The following MTBP variants were observed in gnomAD, a reference collection of about 807,000 sequenced individuals.
MTBP encodes the protein mdm2-binding protein.
In MTBP, 101 loss-of-function variants were observed where a neutral mutation model predicts 117.0. The observed-to-expected ratio is 0.86, with a 90% CI of 0.73 to 1.02. The LOEUF (loss-of-function observed/expected upper bound fraction) is 1.02, where lower values mean the gene tolerates loss of function less well. Among genes scored for constraint, MTBP ranks in the 50% least tolerant of loss-of-function variants. MTBP has a pLI of 0.00. For missense variants in MTBP, 970 were observed against 1,030.9 expected, an observed-to-expected ratio of 0.94 and a Z score of 0.81; for synonymous variants, 350 against 351.5, an observed-to-expected ratio of 1.00 and a Z score of 0.05.
At chr8:120,477,614 G>GA (rs1419472237) in intron 11 of MTBP, among the ~76,000 whole-genome samples, 2 of 151,942 alleles carry the variant, frequency 1.3e-5, no homozygotes, top group African/African-American at 4.8e-5. Flanking sequence ...ACACTTCTCA[G>GA]AAAAAGACAT....
chr8:120,446,349 T>G, intron 1 of MTBP, 84 bp from the exon 2 acceptor site: 181 of 816,922 alleles, frequency 2.2e-4, no homozygotes, highest in East Asian at 3.9e-4. Flanking sequence ...CTACTGGTCT[T>G]GAGAGTCTCT....
intron 11 of MTBP, chr8:120,471,974 T>C (rs1191149842): frequency 6.6e-6 from 1 of 152,242 alleles, no homozygotes; most frequent in Non-Finnish European, 1.5e-5. Context: ...TAAAATTGCT[T>C]TCCCAAAGTC....
At chr8:120,511,000 T>C (rs1814795391) in intron 17 of MTBP, among the ~76,000 whole-genome samples, 2 of 152,168 alleles carry the variant, frequency 1.3e-5, no homozygotes, top group Admixed American at 1.3e-4. Context: ...AAAGAAATCC[T>C]GTATGAAATG....
intron 12 of MTBP, 46 bp downstream of exon 12, chr8:120,488,378 T>G (rs756350057): frequency 7.1e-6 from 10 of 1,411,964 alleles, no homozygotes; most frequent in African/African-American, 6.0e-5. Flanking sequence ...ATTGTTTGTG[T>G]GTGTGGTTAG....
At chr8:120,502,159 T>C (rs1229304575) in intron 14 of MTBP, among the ~76,000 whole-genome samples, 1 of 152,244 alleles carries the variant, frequency 6.6e-6, no homozygotes, top group Non-Finnish European at 1.5e-5. Context: ...TACAGAGTTA[T>C]CTTCTTTTCA....
intron 13 of MTBP, among the ~76,000 whole-genome samples, chr8:120,494,786 GT>G (rs1292710618): frequency 1.3e-5 from 2 of 152,002 alleles, no homozygotes; most frequent in Non-Finnish European, 2.9e-5. Context: ...ATAATTCTTT[GT>G]TTCTCTTATG....
At chr8:120,456,921 CTTTAA>C (rs1001672348) in intron 7 of MTBP, among the ~76,000 whole-genome samples, 5 of 152,116 alleles carry the variant, frequency 3.3e-5, no homozygotes, top group East Asian at 1.9e-4. Context: ...TTTTAATTAA[CTTTAA>C]TTTAATCACA....
chr8:120,445,439 A>G lies in MTBP; in HGVS notation c.-32A>G. The G allele has an allele frequency of 6.3e-7, 1 of 1,582,088 alleles. No homozygotes were observed. The highest frequency in any genetic ancestry group is 8.7e-7 in the Non-Finnish European group (1 of 1,153,124). On this transcript the variant is annotated 5_prime_UTR_variant, in exon 1 of 22. Transcript: ENST00000305949. ...CGCGTCTGTTTGGATGTGGAAGCCG[A>G]GACCTAAAGTTGGGGGGTGATCTCT... is the stretch of plus-strand genomic sequence containing the variant.
intron 11 of MTBP, among the ~76,000 whole-genome samples, chr8:120,476,849 T>C (rs1332411146): frequency 6.6e-6 from 1 of 152,204 alleles, no homozygotes; most frequent in South Asian, 2.1e-4. Flanking sequence ...ATAGATGGAA[T>C]GCTATCCCCA....
chr8:120,509,655 T>G (rs746264442), intron 16 of MTBP, among the ~76,000 whole-genome samples: 1 of 152,186 alleles, frequency 6.6e-6, no homozygotes, highest in African/African-American at 2.4e-5. Flanking sequence ...ATTTCCATTA[T>G]AAATCATATT....
At position 120,488,222 on chromosome 8, in the gene MTBP, A is replaced by G. The variant is rs775462173; in HGVS notation, c.1229A>G (p.Asn410Ser). The G allele has an allele frequency of 3.8e-6, 6 of 1,597,720 alleles. No individual in the cohort carries two copies. The highest frequency in any genetic ancestry group is 1.1e-5 in the South Asian group (1 of 87,358). The change falls in exon 12 of 22, where the codon AAT (asparagine) becomes AGT (serine). Residue 410 changes from asparagine (N) to serine (S), a missense_variant. Transcript: ENST00000305949. ...SYYLLLQGNG[N>S]RRCKATLIHS... Reference sequence around the variant, plus strand: ...TATCTCTTGTTACAAGGTAATGGCAATAGAAGATGTAAAGCCACATTGATT... The same window carrying G: ...TATCTCTTGTTACAAGGTAATGGCAGTAGAAGATGTAAAGCCACATTGATT...
chr8:120,459,219 G>C lies in MTBP; in HGVS notation c.752G>C (p.Gly251Ala). The change falls in exon 8 of 22, where the codon GGA (glycine) becomes GCA (alanine). Residue 251 changes from glycine to alanine, a missense_variant. Coordinates refer to ENST00000305949, the MANE Select transcript of MTBP (RefSeq NM_022045.5). ...GTTTTCTTGGTCTCTTTTCAGTTTG[G>C]ATTTGAAATTAGTTTTCCTGAATTT... is the stretch of plus-strand genomic sequence containing the variant. ...GKIQIWERKF[G>A]FEISFPEFCL... is the part of the protein sequence containing the mutation. The C allele has an allele frequency of 6.2e-7, 1 of 1,607,036 alleles. No individual in the cohort carries two copies. The highest frequency in any genetic ancestry group is 8.5e-7 in the Non-Finnish European group (1 of 1,176,052).
intron 15 of MTBP, among the ~76,000 whole-genome samples, chr8:120,503,027 G>C (rs1814616440): frequency 6.6e-6 from 1 of 152,192 alleles, no homozygotes; most frequent in African/African-American, 2.4e-5. Context: ...TGAACTGTAT[G>C]AGGCAGGATT....
At chr8:120,472,497 A>G (rs1013060610) in intron 11 of MTBP, 14 of 152,208 alleles carry the variant, frequency 9.2e-5, no homozygotes, top group African/African-American at 2.9e-4. Flanking sequence ...GAGTAGTTCT[A>G]CTGATCTCAC....
chr8:120,452,802 C>G (rs1414329816), intron 4 of MTBP: 1 of 146,180 alleles, frequency 6.8e-6, no homozygotes, highest in Non-Finnish European at 1.5e-5. Flanking sequence ...TGTACTCCAG[C>G]CTGAGCGACA....
intron 4 of MTBP, chr8:120,452,829 C>CAAAAAA (rs33959012): frequency 2.3e-5 from 2 of 86,086 alleles, no homozygotes; most frequent in Non-Finnish European, 4.5e-5. Flanking sequence ...CACTCCGTCT[C>CAAAAAA]AAAAAAAAAA....
intron 11 of MTBP, among the ~76,000 whole-genome samples, chr8:120,474,369 G>C (rs1813888915): frequency 6.6e-6 from 1 of 151,946 alleles, no homozygotes; most frequent in Admixed American, 6.6e-5. Context: ...CTTACCCATT[G>C]ATGGAACTTT....
At chr8:120,484,937 T>G (rs1814178354) in intron 11 of MTBP, among the ~76,000 whole-genome samples, 2 of 152,196 alleles carry the variant, frequency 1.3e-5, no homozygotes, top group Admixed American at 1.3e-4. Flanking sequence ...CTTCTTGGAC[T>G]TAGTATAATG....
chr8:120,489,746 C>T (rs1814303666), intron 12 of MTBP, among the ~76,000 whole-genome samples: 1 of 152,142 alleles, frequency 6.6e-6, no homozygotes, highest in South Asian at 2.1e-4. Context: ...CCCCAAGGCT[C>T]ACGAAAGCTT....
Sources: allele counts gnomAD v4.1 joint callset (sites outside exome capture counted in the v4.1 genomes callset), GRCh38; gene constraint gnomAD v4.1.1; transcripts MANE v1.5; gene names NCBI Gene and HGNC (gene_info 2026-07-23, HGNC 2026-07-21).